ZNF226: variants seen among roughly 807,000 people sequenced by gnomAD.
ZNF226 encodes the protein Kruppel-associated box protein.
ZNF226 carries 6 observed loss-of-function variants against 11.4 expected under a neutral mutation model. The observed-to-expected ratio is 0.53, with a 90% CI of 0.29 to 1.04. The LOEUF (loss-of-function observed/expected upper bound fraction) is 1.04, where lower values mean the gene tolerates loss of function less well. Among genes scored for constraint, ZNF226 ranks in the 50% least tolerant of loss-of-function variants. The pLI is 0.08. For missense variants in ZNF226, 1,058 were observed against 956.5 expected, an observed-to-expected ratio of 1.11 and a Z score of -1.40; for synonymous variants, 350 against 322.8, an observed-to-expected ratio of 1.08 and a Z score of -0.90.
chr19:44,173,320 T>G, intron 5 of ZNF226: 3 of 315,224 alleles, frequency 9.5e-6, no homozygotes, highest in Admixed American at 1.1e-4. Flanking sequence ...CCAGCCACAT[T>G]GTCCTCCCTC....
chr19:44,176,296 G>A lies in ZNF226; in HGVS notation c.1034G>A (p.Ser345Asn), dbSNP rs1396306030. The change falls in exon 6 of 6, where the codon AGT (serine) becomes AAT (asparagine). Residue 345 changes from serine to asparagine, a missense_variant. Physicochemically the swap from Ser to Asn is conservative, Grantham distance 46 (BLOSUM62 1). Coordinates refer to ENST00000337433, the MANE Select transcript of ZNF226 (RefSeq NM_001032373.2). ...YKCKQCGKGF[S>N]RRSALNVHCK... ...TGTAAGCAATGTGGGAAAGGTTTCA[G>A]TCGTAGATCAGCACTTAATGTTCAT... The A allele has an allele frequency of 6.2e-7, 1 of 1,614,086 alleles. No individual in the cohort carries two copies. Among genetic ancestry groups the A allele is most frequent in the African/African-American group, 1.3e-5 (1 of 74,932 alleles).
intron 2 of ZNF226, among the ~76,000 whole-genome samples, chr19:44,169,386 AT>A (rs1178347675): frequency 6.6e-6 from 1 of 152,156 alleles, no homozygotes; most frequent in African/African-American, 2.4e-5. Flanking sequence ...CTTCGGTTTT[AT>A]TAGTTCAGTG....
the ZNF226 span, among the ~76,000 whole-genome samples, chr19:44,196,991 C>G: frequency 6.6e-6 from 1 of 152,300 alleles, no homozygotes; most frequent in South Asian, 2.1e-4. Flanking sequence ...ACTATAATCA[C>G]TTTCCTAACT....
downstream of ZNF226, among the ~76,000 whole-genome samples, chr19:44,179,765 C>T (rs952496664): frequency 6.6e-6 from 1 of 151,788 alleles, no homozygotes; most frequent in South Asian, 2.1e-4. Flanking sequence ...CAAGGAAAAT[C>T]GAGCTGTGGA....
At chr19:44,172,532 A>C (rs1223308829) in intron 4 of ZNF226, 2 of 410,718 alleles carry the variant, frequency 4.9e-6, no homozygotes, top group African/African-American at 4.1e-5. Flanking sequence ...AATAGGGTAG[A>C]AAATACTAGA....
At chr19:44,177,751 C>T, downstream of ZNF226, 2 of 1,442,050 alleles carry the variant, frequency 1.4e-6, no homozygotes, top group East Asian at 2.4e-5. Context: ...CGTAGCTCCT[C>T]ATGTCCCAGT....
intron 4 of ZNF226, chr19:44,172,501 C>G (rs1970218749): frequency 2.5e-6 from 1 of 394,488 alleles, no homozygotes; most frequent in African/African-American, 2.1e-5. Flanking sequence ...TGAATGTCAT[C>G]AGCAGATTTT....
chr19:44,190,364 C>T, the ZNF226 span, among the ~76,000 whole-genome samples: 23 of 152,090 alleles, frequency 1.5e-4, no homozygotes, highest in African/African-American at 4.3e-4. Context: ...GGCGGAGTCT[C>T]GCTGTGTCGC....
chr19:44,179,597 A>G (rs563375005), downstream of ZNF226, among the ~76,000 whole-genome samples: 11 of 152,324 alleles, frequency 7.2e-5, no homozygotes, highest in South Asian at 2.3e-3. Context: ...TATGCAATCA[A>G]TACAGTTTTA....
downstream of ZNF226, among the ~76,000 whole-genome samples, chr19:44,179,284 A>G (rs1319502612): frequency 6.6e-6 from 1 of 152,192 alleles, no homozygotes; most frequent in Admixed American, 6.5e-5. Flanking sequence ...AGAATGCAGG[A>G]ATTTTTTTCA....
the ZNF226 span, among the ~76,000 whole-genome samples, chr19:44,197,012 T>C: frequency 6.6e-6 from 1 of 152,256 alleles, no homozygotes; most frequent in Non-Finnish European, 1.5e-5. Context: ...TCTATCACCA[T>C]TGACTACTTT....
At chr19:44,181,433 A>T (rs1272367451), downstream of ZNF226, among the ~76,000 whole-genome samples, 1 of 151,232 alleles carries the variant, frequency 6.6e-6, no homozygotes, top group Non-Finnish European at 1.5e-5. Flanking sequence ...CAACTTCCCT[A>T]TTTTGAGCCT....
chr19:44,198,292 C>T, the ZNF226 span, among the ~76,000 whole-genome samples: 1 of 152,082 alleles, frequency 6.6e-6, no homozygotes, highest in African/African-American at 2.4e-5. Flanking sequence ...TTGACTGTTG[C>T]TTTTGTTTAC....
At chr19:44,165,456 C>T (rs571901709) in intron 1 of ZNF226, 2 of 152,270 alleles carry the variant, frequency 1.3e-5, no homozygotes, top group East Asian at 1.9e-4. Flanking sequence ...ATCCCCGTGC[C>T]TTCGTTTGCT....
At chr19:44,188,824 G>C in the ZNF226 span, among the ~76,000 whole-genome samples, 9 of 152,264 alleles carry the variant, frequency 5.9e-5, no homozygotes, top group South Asian at 1.9e-3. Flanking sequence ...ATTTATTCAG[G>C]AATGAGCATT....
In ZNF226 at chr19:44,177,145, CA is replaced by C; in HGVS notation, c.1886del (p.Asn629IlefsTer56). The C allele has an allele frequency of 1.2e-6, 2 of 1,613,862 alleles. No homozygotes were observed. Among genetic ancestry groups the C allele is most frequent in the Non-Finnish European group, 1.7e-6 (2 of 1,179,942 alleles). On this transcript the variant is annotated frameshift_variant, in exon 6 of 6. Transcript: ENST00000337433. LOFTEE classifies it low-confidence loss of function (END_TRUNC). ...EECGKVFRQASNLLAHQRVHS... is the reference protein window; with the variant it reads ...EECGKVFRQAXNLLAHQRVHS... Reference sequence around the variant, plus strand: ...TGTGGGAAGGTCTTCAGGCAGGCCTCAAATCTTTTGGCCCATCAGAGAGTCC... The same window carrying C: ...TGTGGGAAGGTCTTCAGGCAGGCCTCAATCTTTTGGCCCATCAGAGAGTCC...
At position 44,177,394 on chromosome 19, in the gene ZNF226, C is replaced by G. The variant is rs765352241; in HGVS notation, c.2132C>G (p.Ala711Gly). Reference sequence around the variant, plus strand: ...GAGTGTGGTAAGTACTTCAGTCAGGCCTCAAGTCTTCAACTTCATCAGAGT... The same window carrying G: ...GAGTGTGGTAAGTACTTCAGTCAGGGCTCAAGTCTTCAACTTCATCAGAGT... ...CGECGKYFSQ[A>G]SSLQLHQSVH... The change falls in exon 6 of 6, where the codon GCC (alanine) becomes GGC (glycine). Residue 711 changes from alanine (A) to glycine (G), a missense_variant. Physicochemically the swap from Ala to Gly is moderately conservative, Grantham distance 60 (BLOSUM62 0). Coordinates refer to ENST00000337433, the MANE Select transcript of ZNF226 (RefSeq NM_001032373.2). 1 of 1,612,004 alleles carries G rather than the reference C, an allele frequency of 6.2e-7. No individual in the cohort carries two copies. Among genetic ancestry groups the G allele is most frequent in the South Asian group, 1.1e-5 (1 of 90,930 alleles).
At chr19:44,185,991 C>G in the ZNF226 span, among the ~76,000 whole-genome samples, 2 of 151,972 alleles carry the variant, frequency 1.3e-5, no homozygotes, top group Non-Finnish European at 2.9e-5. Context: ...ATCCAGTTTT[C>G]CCATTACCAT....
At chr19:44,174,734 T>C (rs2122466367) in intron 5 of ZNF226, 1 of 326,544 alleles carries the variant, frequency 3.1e-6, no homozygotes, top group East Asian at 4.7e-5. Context: ...GACAAACATA[T>C]CTACATCCAG....
Sources: allele counts gnomAD v4.1 joint callset (sites outside exome capture counted in the v4.1 genomes callset), GRCh38; gene constraint gnomAD v4.1.1; transcripts MANE v1.5; gene names NCBI Gene and HGNC (gene_info 2026-07-23, HGNC 2026-07-21).